Variants in POU1F1 observed in about 807,000 individuals in gnomAD.
POU1F1 encodes POU class 1 homeobox 1.
POU1F1 carries 23 observed loss-of-function variants against 32.3 expected under a neutral mutation model. That is an observed-to-expected ratio of 0.71 (90% CI 0.51 to 1.01). POU1F1 has a LOEUF of 1.01. Ranked by LOEUF, POU1F1 falls within the 50% of genes least tolerant of loss-of-function variation. The probability of loss-of-function intolerance (pLI) is 0.00; values close to 1 mark genes in which losing one functional copy is unlikely to be tolerated. For synonymous variants in POU1F1, 120 were observed against 115.6 expected, an observed-to-expected ratio of 1.04 and a Z score of -0.25; for missense variants, 323 against 341.6, an observed-to-expected ratio of 0.95 and a Z score of 0.43.
At chr3:87,268,017 A>T (rs1018583970) in intron 2 of POU1F1, among the ~76,000 whole-genome samples, 2 of 151,906 alleles carry the variant, frequency 1.3e-5, no homozygotes, top group African/African-American at 4.8e-5. Flanking sequence ...CCATGCTCCA[A>T]GGTTTGGCAT....
At chr3:87,269,083 G>A (rs79120980) in intron 2 of POU1F1, among the ~76,000 whole-genome samples, 4,114 of 152,196 alleles carry the variant, frequency 0.027, 80 homozygotes, top group African/African-American at 0.042. Flanking sequence ...CTTGTAACAT[G>A]CACAGGAACA....
intron 2 of POU1F1, among the ~76,000 whole-genome samples, chr3:87,268,190 T>A (rs1384614615): frequency 6.8e-6 from 1 of 148,132 alleles, no homozygotes; most frequent in Non-Finnish European, 1.5e-5. Flanking sequence ...GCAATTCTCC[T>A]GCCTCAGCCT....
chr3:87,266,326 T>C (rs1706621590), intron 2 of POU1F1, among the ~76,000 whole-genome samples: 2 of 147,078 alleles, frequency 1.4e-5, no homozygotes, highest in African/African-American at 2.5e-5. Flanking sequence ...ATAAAATATG[T>C]AATTATAAAT....
At chr3:87,261,242 G>T (rs1339365365) in intron 5 of POU1F1, 31 bp downstream of exon 5, 2 of 1,407,848 alleles carry the variant, frequency 1.4e-6, no homozygotes, top group Non-Finnish European at 2.0e-6. Context: ...TACCAGTTTT[G>T]TCCTCTAGTA....
Position 87,273,403 on chromosome 3 carries a change from T to C in POU1F1, c.158A>G (p.Tyr53Cys). 6.2e-7 allele frequency: 1 copy of C among 1,612,222 alleles called. No homozygotes were observed. Among genetic ancestry groups the C allele is most frequent in the Middle Eastern group, 1.7e-4 (1 of 6,056 alleles). ...TCCATAATGACAGGAAGGAACAGAA[T>C]AATGAAGTCCTGTTGCTGTGTTTCC... ...NVMSTATGLH[Y>C]SVPSCHYGNQ... Residue 53 changes from tyrosine (Y) to cysteine (C), a missense_variant, in exon 2 of 6, where the codon TAT becomes TGT. Transcript: ENST00000350375.
chr3:87,261,618 C>T (rs1706516485), intron 4 of POU1F1, among the ~76,000 whole-genome samples: 1 of 152,104 alleles, frequency 6.6e-6, no homozygotes, highest in Non-Finnish European at 1.5e-5. Flanking sequence ...CTTTATCAGG[C>T]TCTGACATTT....
intron 5 of POU1F1, 78 bp downstream of exon 5, chr3:87,261,195 C>T: frequency 1.9e-6 from 2 of 1,064,428 alleles, no homozygotes; most frequent in Admixed American, 4.0e-5. Flanking sequence ...TTATGTTACA[C>T]CTGCATTACA....
Position 87,261,323 on chromosome 3 carries a change from AT to A in POU1F1, c.614del (p.Asn205MetfsTer17), listed in dbSNP as rs1706511033. On this transcript the variant is annotated frameshift_variant, in exon 5 of 6. Transcript: ENST00000350375. LOFTEE classifies it high-confidence loss of function. ...TCCTTTCATTTGCTCCCACTTTTTC[AT>A]TGTACAAAGCTATAATGTGGAAAAG... The part of the protein sequence containing the change: ...EEAEQVGALY[N>X]EKVGANERKR... 6.3e-7 allele frequency: 1 copy of A among 1,591,474 alleles called. No individual in the cohort carries two copies. The highest frequency in any genetic ancestry group is 8.6e-7 in the Non-Finnish European group (1 of 1,163,866).
chr3:87,263,650 A>C (rs1357599603), intron 3 of POU1F1, among the ~76,000 whole-genome samples: 1 of 152,058 alleles, frequency 6.6e-6, no homozygotes, highest in African/African-American at 2.4e-5. Flanking sequence ...TATGAGTGCA[A>C]AATAACATTT....
chr3:87,270,560 T>C (rs558362378), intron 2 of POU1F1, among the ~76,000 whole-genome samples: 54 of 152,298 alleles, frequency 3.5e-4, no homozygotes, highest in African/African-American at 1.3e-3. Flanking sequence ...AATAACCATA[T>C]GAAAATAAAG....
chr3:87,271,080 C>A (rs1288165242), intron 2 of POU1F1, among the ~76,000 whole-genome samples: 3 of 152,040 alleles, frequency 2.0e-5, no homozygotes, highest in Non-Finnish European at 2.9e-5. Context: ...TAGCTCCAGA[C>A]CTTGGTGTAA....
chr3:87,259,926 A>G lies in POU1F1; in HGVS notation c.844T>C (p.Ser282Pro), dbSNP rs1197472857. The change falls in exon 6 of 6, where the codon TCT (serine) becomes CCT (proline). Residue 282 changes from serine (S) to proline (P), a missense_variant. Transcript: ENST00000350375. ...VKTSLNQSLFSISKEHLECR is the reference protein window; with the variant it reads ...VKTSLNQSLFPISKEHLECR ...CACTCAAGATGTTCCTTAGAAATAG[A>G]AAATAAACTCTGATTCAGACTTGTT... 1 of 1,614,154 alleles carries G rather than the reference A, an allele frequency of 6.2e-7. No individual in the cohort carries two copies. Among genetic ancestry groups the G allele is most frequent in the East Asian group, 2.2e-5 (1 of 44,874 alleles).
At position 87,261,312 on chromosome 3, in the gene POU1F1, C is replaced by T; in HGVS notation, c.626G>A (p.Gly209Glu). 6.3e-7 allele frequency: 1 copy of T among 1,592,240 alleles called. No individual in the cohort carries two copies. The highest frequency in any genetic ancestry group is 8.6e-7 in the Non-Finnish European group (1 of 1,164,510). Reference sequence around the variant, plus strand: ...TCGTTTTCTTTTCCTTTCATTTGCTCCCACTTTTTCATTGTACAAAGCTAT... The same window carrying T: ...TCGTTTTCTTTTCCTTTCATTTGCTTCCACTTTTTCATTGTACAAAGCTAT... ...QVGALYNEKV[G>E]ANERKRKRRT... The change falls in exon 5 of 6, where the codon GGA becomes GAA. Residue 209 changes from glycine (G) to glutamate (E), a missense_variant. Gly to Glu is a moderately conservative substitution (Grantham distance 98, BLOSUM62 -2). Transcript: ENST00000350375.
intron 2 of POU1F1, among the ~76,000 whole-genome samples, chr3:87,270,283 G>A (rs1339902793): frequency 2.0e-5 from 3 of 152,272 alleles, no homozygotes; most frequent in African/African-American, 7.2e-5. Flanking sequence ...CCACCACAAC[G>A]TAGATATGAA....
intron 2 of POU1F1, among the ~76,000 whole-genome samples, chr3:87,269,840 T>G (rs1706693666): frequency 6.6e-6 from 1 of 152,166 alleles, no homozygotes; most frequent in Non-Finnish European, 1.5e-5. Flanking sequence ...ACTTTCACAC[T>G]ACTTCTTGGT....
chr3:87,275,734 G>A (rs956477762), intron 1 of POU1F1, among the ~76,000 whole-genome samples: 1 of 152,178 alleles, frequency 6.6e-6, no homozygotes, highest in African/African-American at 2.4e-5. Context: ...GCAATTTTGA[G>A]AAAATTTACC....
Position 87,259,422 on chromosome 3 carries a change from CT to C in POU1F1, c.*471del, listed in dbSNP as rs35368134. 0.036 allele frequency: 5,713 copies of C among 160,154 alleles called. 163 individuals are homozygous for C. The highest frequency in any genetic ancestry group is 0.076 in the African/African-American group (3,142 of 41,584). 9.9% of individuals were successfully genotyped at this position (160,154 alleles called of 1,614,324 possible). A position where few individuals can be genotyped will look rare whatever the true frequency, so the allele number is the denominator to read the frequency against. On this transcript the variant is annotated 3_prime_UTR_variant, in exon 6 of 6. Coordinates refer to ENST00000350375, the MANE Select transcript of POU1F1 (RefSeq NM_000306.4). Reference sequence around the variant, plus strand: ...ATAAAACTATAAGACACCTCCAGCTCTTAAGTTCAAAACTTTTAGTTCAGAC... The same window carrying C: ...ATAAAACTATAAGACACCTCCAGCTCTAAGTTCAAAACTTTTAGTTCAGAC...
rs104893762 is a variant in POU1F1 at position 87,260,055 on chromosome 3, G to A, written c.715C>T (p.Pro239Ser). 1.9e-6 allele frequency: 3 copies of A among 1,613,924 alleles called. No individual in the cohort carries two copies. Among genetic ancestry groups the A allele is most frequent in the Non-Finnish European group, 2.5e-6 (3 of 1,179,964 alleles). Residue 239 changes from proline to serine, a missense_variant, in exon 6 of 6, where the codon CCT becomes TCT. Coordinates refer to ENST00000350375, the MANE Select transcript of POU1F1 (RefSeq NM_000306.4). ...LERHFGEQNKPSSQEIMRMAE... is the reference protein window; with the variant it reads ...LERHFGEQNKSSSQEIMRMAE... Reference sequence around the variant, plus strand: ...ATCCTCATGATCTCTTGAGAAGAAGGTTTATTCTGTTCTCCAAAGTGTCTC... The same window carrying A: ...ATCCTCATGATCTCTTGAGAAGAAGATTTATTCTGTTCTCCAAAGTGTCTC...
intron 1 of POU1F1, among the ~76,000 whole-genome samples, chr3:87,274,801 T>C (rs1001507614): frequency 6.6e-6 from 1 of 151,670 alleles, no homozygotes; most frequent in Non-Finnish European, 1.5e-5. Flanking sequence ...AAAACATTTG[T>C]AGGTCACTTT....
Sources: allele counts gnomAD v4.1 joint callset (sites outside exome capture counted in the v4.1 genomes callset), GRCh38; gene constraint gnomAD v4.1.1; transcripts MANE v1.5; gene names NCBI Gene and HGNC (gene_info 2026-07-23, HGNC 2026-07-21).